The following SPTBN1 variants were observed in gnomAD, a reference collection of about 807,000 sequenced individuals.
SPTBN1 encodes the protein spectrin beta chain, non-erythrocytic 1.
A neutral mutation model predicts 266.4 loss-of-function variants in SPTBN1; 32 were observed. That is an observed-to-expected ratio of 0.12 (90% CI 0.09 to 0.16). The LOEUF (loss-of-function observed/expected upper bound fraction) is 0.16. SPTBN1 is among the 10% of genes least tolerant of loss of function. The probability of loss-of-function intolerance (pLI) is 1.00; values close to 1 mark genes in which losing one functional copy is unlikely to be tolerated. For synonymous variants in SPTBN1, 1,336 were observed against 1,162.2 expected (o/e 1.15, Z -3.04); for missense variants, 2,296 against 3,067.1 (o/e 0.75, Z 5.94).
rs754979017 is a variant in SPTBN1 at position 54,668,458 on chromosome 2, C to G, written c.6984C>G (p.Thr2328=). 6.2e-7 allele frequency: 1 copy of G among 1,614,212 alleles called. No homozygotes were observed. The highest frequency in any genetic ancestry group is 8.5e-7 in the Non-Finnish European group (1 of 1,180,042). Residue 2328 remains threonine (T), a synonymous_variant, in exon 36 of 36, where the codon ACC becomes ACG. Transcript: ENST00000356805. Reference sequence around the variant, plus strand: ...CGCCAGCATCCAGCCGCGCGCAGACCCTCCCCACCAGCGTCGTCACCATCA... The same window carrying G: ...CGCCAGCATCCAGCCGCGCGCAGACGCTCCCCACCAGCGTCGTCACCATCA... ...QSTPASSRAQ[T]LPTSVVTITS...
At position 54,628,804 on chromosome 2, in the gene SPTBN1, C is replaced by T; in HGVS notation, c.1799-129C>T. ...GGTGCTCCATTGCCTTATCGCATGG[C>T]CCTGCATTTACATTTAGCAGTGAGC... On this transcript the variant is annotated intron_variant, in intron 13 of 35. Transcript: ENST00000356805. This position sits in a 1 kb window ranked among gnomAD's most constrained non-coding sequence, Gnocchi z 4.3. 1 of 1,222,744 alleles carries T rather than the reference C, an allele frequency of 8.2e-7. No homozygotes were observed. The highest frequency in any genetic ancestry group is 1.5e-5 in the South Asian group (1 of 64,910). 75.7% of individuals were successfully genotyped at this position (1,222,744 alleles called of 1,614,324 possible).
rs1678544604 is a variant in SPTBN1, at chr2:54,628,946, T to C, written c.1812T>C (p.Cys604=). 6.2e-7 allele frequency: 1 copy of C among 1,602,344 alleles called. No individual in the cohort carries two copies. The highest frequency in any genetic ancestry group is 2.2e-5 in the East Asian group (1 of 44,796). ...GATGTTAAACAGGTTACAAGCCCTG[T>C]GACCCCCAGGTGATCCGAGACCGCG... ...FATDGEGYKP[C]DPQVIRDRVA... is the part of the protein sequence containing the mutation. Residue 604 remains cysteine, a synonymous_variant, in exon 14 of 36, where the codon TGT becomes TGC. Coordinates refer to ENST00000356805, the MANE Select transcript of SPTBN1 (RefSeq NM_003128.3). The surrounding 1 kb of genome is among the most constrained non-coding windows in gnomAD (Gnocchi z 4.3).
At chr2:54,627,838 C>G (rs1032610033) in intron 12 of SPTBN1, among the ~76,000 whole-genome samples, 21 of 145,526 alleles carry the variant, frequency 1.4e-4, no homozygotes, top group African/African-American at 5.0e-4. Context: ...CTATTCTGCA[C>G]TTTTTAGTGT....
chr2:54,611,689 A>G (rs1489512855), intron 3 of SPTBN1, among the ~76,000 whole-genome samples: 1 of 152,146 alleles, frequency 6.6e-6, no homozygotes, highest in Non-Finnish European at 1.5e-5. Flanking sequence ...CCACTTGGAA[A>G]TTCTTCTGAT....
In SPTBN1 at chr2:54,670,745, C is replaced by A; in HGVS notation, c.*2176C>A. 2.5e-6 allele frequency: 1 copy of A among 398,500 alleles called. No individual in the cohort carries two copies. The highest frequency in any genetic ancestry group is 4.4e-6 in the Non-Finnish European group (1 of 226,048). The allele number at this position is 398,500 out of a possible 1,614,324, so 24.7% of individuals were successfully genotyped here. On this transcript the variant is annotated 3_prime_UTR_variant, in exon 36 of 36. Transcript: ENST00000356805. ...CATCGTGCACATAATTTCAACAGTT[C>A]GCAGATCTGTAGTTATGAAGCCAGG...
chr2:54,621,344 C>G, intron 7 of SPTBN1, 56 bp from the exon 8 acceptor site: 1 of 1,347,138 alleles, frequency 7.4e-7, no homozygotes, highest in Non-Finnish European at 1.1e-6. Context: ...TTCCTGCTAC[C>G]TGGGTGGGGC....
chr2:54,646,532 G>A lies in SPTBN1; in HGVS notation c.4866+57G>A, dbSNP rs1257113487. 17 of 1,433,636 alleles carry A rather than the reference G, an allele frequency of 1.2e-5. No individual in the cohort carries two copies. The highest frequency in any genetic ancestry group is 2.6e-4 in the Middle Eastern group (1 of 3,894). 88.8% of individuals were successfully genotyped at this position (1,433,636 alleles called of 1,614,324 possible). A position where few individuals can be genotyped will look rare whatever the true frequency, so the allele number is the denominator to read the frequency against. ...GGAGAGCCTCAGATTCAAACCCTGG[G>A]CACACTTTCTGCTGGCGGCTCTGTC... On this transcript the variant is annotated intron_variant, in intron 23 of 35. Coordinates refer to ENST00000356805, the MANE Select transcript of SPTBN1 (RefSeq NM_003128.3). The surrounding 1 kb of genome is among the most constrained non-coding windows in gnomAD (Gnocchi z 4.4).
chr2:54,562,746 CAG>C (rs1416515605), intron 2 of SPTBN1, among the ~76,000 whole-genome samples: 1 of 104,652 alleles, frequency 9.6e-6, no homozygotes, highest in Non-Finnish European at 1.9e-5. Flanking sequence ...TTTGTAGAGA[CAG>C]GGTTTCACCA....
intron 1 of SPTBN1, among the ~76,000 whole-genome samples, chr2:54,486,688 C>T (rs985685132): frequency 6.6e-6 from 1 of 151,236 alleles, no homozygotes; most frequent in African/African-American, 2.4e-5. Flanking sequence ...CCAAATCCCC[C>T]TCTGCGAGAA....
chr2:54,603,648 C>G (rs986189204), intron 3 of SPTBN1, among the ~76,000 whole-genome samples: 1 of 152,202 alleles, frequency 6.6e-6, no homozygotes, highest in Non-Finnish European at 1.5e-5. Flanking sequence ...GCCAAAATAA[C>G]TAATACTCCT....
In SPTBN1 at chr2:54,655,958, G is replaced by T; in HGVS notation, c.6006G>T (p.Met2002Ile). The part of the protein sequence containing the change: ...LLQLTEKRKE[M>I]IDKWEDRWEW... ...AGTTGACGGAAAAGAGGAAAGAAATGATCGACAAGTGGGAAGACCGATGGG... is the reference window on the plus strand; with the variant it reads ...AGTTGACGGAAAAGAGGAAAGAAATTATCGACAAGTGGGAAGACCGATGGG... Residue 2002 changes from methionine to isoleucine, a missense_variant, in exon 29 of 36, where the codon ATG becomes ATT. Met to Ile is a conservative substitution (Grantham distance 10). Coordinates refer to ENST00000356805, the MANE Select transcript of SPTBN1 (RefSeq NM_003128.3). The T allele has an allele frequency of 6.2e-7, 1 of 1,613,580 alleles. No individual in the cohort carries two copies. Among genetic ancestry groups the T allele is most frequent in the South Asian group, 1.1e-5 (1 of 91,014 alleles).
chr2:54,574,805 T>C (rs1288373061), intron 2 of SPTBN1, among the ~76,000 whole-genome samples: 1 of 152,222 alleles, frequency 6.6e-6, no homozygotes, highest in Admixed American at 6.5e-5. Context: ...GACTTCTTTC[T>C]CCTGCATCAA....
At chr2:54,668,311 C>T (rs759323786) in intron 35 of SPTBN1, 40 bp from the exon 36 acceptor site, 3 of 1,602,062 alleles carry the variant, frequency 1.9e-6, no homozygotes, top group South Asian at 2.2e-5. Context: ...CTCATGCCTA[C>T]TCTTAGTTGA....
At chr2:54,476,898 G>A (rs1290071489) in intron 1 of SPTBN1, among the ~76,000 whole-genome samples, 1 of 152,050 alleles carries the variant, frequency 6.6e-6, no homozygotes. Flanking sequence ...TCTTCATTTA[G>A]TTGCCTTTGT....
At chr2:54,636,983 G>A (rs908642753) in intron 17 of SPTBN1, among the ~76,000 whole-genome samples, 32 of 152,210 alleles carry the variant, frequency 2.1e-4, no homozygotes, top group African/African-American at 7.5e-4. Flanking sequence ...TAAGCCACTG[G>A]GTGCATGAAG....
rs17045958 is a variant in SPTBN1, at chr2:54,554,070, A to G, written c.148+27504A>G. 0.048 allele frequency among the ~76,000 whole-genome samples: 7,308 copies of G among 152,286 alleles called. 584 individuals are homozygous for G. The highest frequency in any genetic ancestry group is 0.17 in the African/African-American group (6,927 of 41,510). ...CAAGCTCTAGGTGAACTAGCAGAGCATGTGCCTAATCCTGACTCAAAACTA... is the reference window on the plus strand; with the variant it reads ...CAAGCTCTAGGTGAACTAGCAGAGCGTGTGCCTAATCCTGACTCAAAACTA... On this transcript the variant is annotated intron_variant, in intron 2 of 35. Transcript: ENST00000356805. The surrounding 1 kb of genome is among the most constrained non-coding windows in gnomAD (Gnocchi z 4.5).
At chr2:54,522,546 G>C (rs911459272) in intron 1 of SPTBN1, among the ~76,000 whole-genome samples, 6 of 151,614 alleles carry the variant, frequency 4.0e-5, no homozygotes, top group African/African-American at 1.5e-4. Flanking sequence ...CAGGAGAATT[G>C]CTTGAACCTG....
rs181505429 is a variant in SPTBN1 at position 54,657,342 on chromosome 2, A to G, written c.6047-508A>G. ...CCATCTGGCTACGTGTAGATTGTGA[A>G]TTCCTGCAGGTCTCTGAAGGCTTAG... On this transcript the variant is annotated intron_variant, in intron 29 of 35. Transcript: ENST00000356805. 7.2e-5 allele frequency among the ~76,000 whole-genome samples: 11 copies of G among 151,766 alleles called. No individual in the cohort carries two copies. In the East Asian group the frequency reaches 2.1e-3, roughly 29 times the overall value.
intron 2 of SPTBN1, among the ~76,000 whole-genome samples, chr2:54,590,905 A>G (rs1675635040): frequency 6.6e-6 from 1 of 151,982 alleles, no homozygotes; most frequent in Admixed American, 6.5e-5. Flanking sequence ...ACTTTGAAAA[A>G]CCACTGATTG....
Sources: gnomAD v4.1 joint callset for allele counts (sites outside exome capture counted in the v4.1 genomes callset) on GRCh38, gnomAD v4.1.1 for gene constraint, Gnocchi (gnomAD v3.1) non-coding constraint, MANE v1.5 for transcripts, NCBI Gene and HGNC (gene_info 2026-07-23, HGNC 2026-07-21) for gene names.